Variants in N4BP1 observed in about 807,000 individuals in gnomAD.
N4BP1 encodes NEDD4 binding protein 1, also known as NEDD4-binding protein 1.
Under a neutral mutation model 70.9 loss-of-function variants are expected in N4BP1, and 21 were observed. That is an observed-to-expected ratio of 0.30 (90% CI 0.21 to 0.43). The LOEUF (loss-of-function observed/expected upper bound fraction) is 0.43. Ranked by LOEUF, N4BP1 falls within the 20% of genes least tolerant of loss-of-function variation. The pLI is 1.00. For synonymous variants in N4BP1, 387 were observed against 394.6 expected (o/e 0.98, Z 0.23); for missense variants, 936 against 1,069.4 (o/e 0.88, Z 1.74).
Position 48,546,156 on chromosome 16 carries a change from ACTTC to A in N4BP1, c.2320_2323del (p.Glu774SerfsTer83). On this transcript the variant is annotated frameshift_variant, in exon 6 of 7. Coordinates refer to ENST00000262384, the MANE Select transcript of N4BP1 (RefSeq NM_153029.4). LOFTEE classifies it high-confidence loss of function. ...CTGAAAAAGGAAATACCTAAGACAG[ACTTC>A]CTTCTGAAGAAACTCCTCTAATCGA... 6.2e-7 allele frequency: 1 copy of A among 1,609,162 alleles called. No homozygotes were observed. Among genetic ancestry groups the A allele is most frequent in the Non-Finnish European group, 8.5e-7 (1 of 1,176,374 alleles).
chr16:48,606,619 G>A (rs1190891450), intron 1 of N4BP1, among the ~76,000 whole-genome samples: 1 of 152,182 alleles, frequency 6.6e-6, no homozygotes, highest in East Asian at 1.9e-4. Flanking sequence ...CAGAGTCAGT[G>A]CCTGTTTTTC....
intron 1 of N4BP1, among the ~76,000 whole-genome samples, chr16:48,588,754 C>A (rs1320122590): frequency 1.3e-5 from 2 of 152,194 alleles, no homozygotes; most frequent in African/African-American, 2.4e-5. Flanking sequence ...CTTAATTTCA[C>A]TGAAGCAATT....
rs200517346 is a variant in N4BP1 at position 48,587,038 on chromosome 16, T to G, written c.198+22737A>C. The G allele has an allele frequency of 2.6e-5, 4 of 152,198 alleles. No homozygotes were observed. In the East Asian group the frequency reaches 7.7e-4, roughly 29 times the overall value. 9.4% of individuals were successfully genotyped at this position (152,198 alleles called of 1,614,324 possible). Reference sequence around the variant, plus strand: ...TAACTCTCCTCCATCCTGATTTTGTTGGTTACTGTATAAACTGACCATGGT... The same window carrying G: ...TAACTCTCCTCCATCCTGATTTTGTGGGTTACTGTATAAACTGACCATGGT... On this transcript the variant is annotated intron_variant, in intron 1 of 6. Transcript: ENST00000262384.
intron 1 of N4BP1, among the ~76,000 whole-genome samples, chr16:48,598,090 G>C (rs1301738167): frequency 6.6e-6 from 1 of 152,196 alleles, no homozygotes. Context: ...CAAAGCAACT[G>C]ATGTGCATGC....
chr16:48,601,022 T>C (rs957663222), intron 1 of N4BP1, among the ~76,000 whole-genome samples: 2 of 152,240 alleles, frequency 1.3e-5, no homozygotes, highest in Non-Finnish European at 2.9e-5. Context: ...CCTTTATTAA[T>C]GTTATGGAAA....
intron 3 of N4BP1, among the ~76,000 whole-genome samples, chr16:48,552,651 T>A (rs1250885982): frequency 1.6e-5 from 2 of 123,134 alleles, no homozygotes; most frequent in African/African-American, 6.3e-5. Context: ...TGAGCCGAGA[T>A]CATGCCGCTG....
chr16:48,549,533 G>A (rs1257950306), intron 4 of N4BP1, among the ~76,000 whole-genome samples: 1 of 152,190 alleles, frequency 6.6e-6, no homozygotes, highest in Non-Finnish European at 1.5e-5. Context: ...AGCCCTGCAG[G>A]GTCCCTGCCC....
chr16:48,600,657 C>G, intron 1 of N4BP1: 1 of 496,450 alleles, frequency 2.0e-6, no homozygotes, highest in Non-Finnish European at 3.9e-6. Flanking sequence ...TCTTAAAAAT[C>G]TCTGTAACCA....
intron 1 of N4BP1, among the ~76,000 whole-genome samples, chr16:48,595,781 A>G (rs1167162225): frequency 6.6e-6 from 1 of 152,226 alleles, no homozygotes; most frequent in Non-Finnish European, 1.5e-5. Context: ...CCTTGGGAAA[A>G]GTGACCTCAC....
At chr16:48,560,254 G>A (rs937604626) in intron 2 of N4BP1, among the ~76,000 whole-genome samples, 1 of 152,200 alleles carries the variant, frequency 6.6e-6, no homozygotes, top group Non-Finnish European at 1.5e-5. Context: ...GAGGCCCACA[G>A]TGAAGCTCAA....
At chr16:48,602,542 G>A (rs1964517719) in intron 1 of N4BP1, among the ~76,000 whole-genome samples, 1 of 152,032 alleles carries the variant, frequency 6.6e-6, no homozygotes, top group Non-Finnish European at 1.5e-5. Context: ...ACCCCAAAAT[G>A]TCAGCCATAA....
chr16:48,589,469 A>G (rs902004600), intron 1 of N4BP1, among the ~76,000 whole-genome samples: 2 of 152,164 alleles, frequency 1.3e-5, no homozygotes, highest in Non-Finnish European at 2.9e-5. Context: ...GCTAATACCT[A>G]TCCTGAAGGG....
rs140174933 is a variant in N4BP1, at chr16:48,562,492, T to C, written c.199-48A>G. Reference sequence around the variant, plus strand: ...TAGGTCAATTTACAAAAGTTCCTTATAGCACATAATAAATTACCATGTAAC... The same window carrying C: ...TAGGTCAATTTACAAAAGTTCCTTACAGCACATAATAAATTACCATGTAAC... On this transcript the variant is annotated intron_variant, in intron 1 of 6. Coordinates refer to ENST00000262384, the MANE Select transcript of N4BP1 (RefSeq NM_153029.4). 5 of 1,438,352 alleles carry C rather than the reference T, an allele frequency of 3.5e-6. No individual in the cohort carries two copies. In the East Asian group the frequency reaches 9.3e-5, roughly 27 times the overall value. 89.1% of individuals were successfully genotyped at this position (1,438,352 alleles called of 1,614,324 possible).
At chr16:48,546,384 A>T in intron 5 of N4BP1, 130 bp from the exon 6 acceptor site, 1 of 519,248 alleles carries the variant, frequency 1.9e-6, no homozygotes, top group South Asian at 3.9e-5. Context: ...AGACTGCTCA[A>T]CTGCCTAAAA....
chr16:48,596,801 A>G (rs554421924), intron 1 of N4BP1, among the ~76,000 whole-genome samples: 2 of 152,316 alleles, frequency 1.3e-5, no homozygotes, highest in East Asian at 3.9e-4. Flanking sequence ...AGGACTAACA[A>G]ATTAGCTACA....
At chr16:48,569,345 G>C (rs1452944070) in intron 1 of N4BP1, among the ~76,000 whole-genome samples, 1 of 152,174 alleles carries the variant, frequency 6.6e-6, no homozygotes, top group Admixed American at 6.5e-5. Context: ...TGTCTTCTGA[G>C]CTGTGGTTCC....
intron 1 of N4BP1, among the ~76,000 whole-genome samples, chr16:48,563,389 TAATG>T (rs1398902136): frequency 2.2e-4 from 33 of 151,466 alleles, no homozygotes; most frequent in Non-Finnish European, 4.1e-4. Context: ...AATTGACAAA[TAATG>T]ATTGTATATA....
intron 1 of N4BP1, among the ~76,000 whole-genome samples, chr16:48,599,650 C>T (rs533083194): frequency 1.3e-5 from 2 of 152,308 alleles, no homozygotes; most frequent in South Asian, 2.1e-4. Flanking sequence ...ATTTTTAAAA[C>T]ACATGGAAAA....
chr16:48,543,289 T>C lies in N4BP1; in HGVS notation c.2334-28A>G, dbSNP rs910879267. ...GTGAATGGAAGTGAGTCCTGGTGAGTTGGGTTATAAGTAAACAAAAAATCA... is the reference window on the plus strand; with the variant it reads ...GTGAATGGAAGTGAGTCCTGGTGAGCTGGGTTATAAGTAAACAAAAAATCA... On this transcript the variant is annotated intron_variant, in intron 6 of 6. Coordinates refer to ENST00000262384, the MANE Select transcript of N4BP1 (RefSeq NM_153029.4). 12 of 1,471,402 alleles carry C rather than the reference T, an allele frequency of 8.2e-6. No homozygotes were observed. In the African/African-American group the frequency reaches 8.5e-5, roughly 10 times the overall value. 91.1% of individuals were successfully genotyped at this position (1,471,402 alleles called of 1,614,324 possible).
Sources: gnomAD v4.1 joint callset for allele counts (sites outside exome capture counted in the v4.1 genomes callset) on GRCh38, gnomAD v4.1.1 for gene constraint, MANE v1.5 for transcripts, NCBI Gene and HGNC (gene_info 2026-07-23, HGNC 2026-07-21) for gene names.